ZNF57: variants seen among roughly 807,000 people sequenced by gnomAD.
ZNF57 encodes the protein zinc finger protein 57.
Under a neutral mutation model 13.4 loss-of-function variants are expected in ZNF57, and 11 were observed. That is an observed-to-expected ratio of 0.82 (90% confidence interval 0.52 to 1.36). The LOEUF (loss-of-function observed/expected upper bound fraction) is 1.36. Ranked by LOEUF, ZNF57 falls within the 40% of genes most tolerant of loss-of-function variation. ZNF57 has a pLI of 0.00. For missense variants in ZNF57, 696 were observed against 667.5 expected (o/e 1.04, Z -0.47); for synonymous variants, 224 against 238.5 (o/e 0.94, Z 0.56).
Position 2,910,327 on chromosome 19 carries a change from C to T in ZNF57, c.4-5195C>T, listed in dbSNP as rs2088119338. 4.2e-5 allele frequency among the ~76,000 whole-genome samples: 2 copies of T among 47,588 alleles called. 1 individual carries two copies. Among genetic ancestry groups the T allele is most frequent in the Admixed American group, 4.9e-4 (2 of 4,052 alleles). 31.2% of individuals were successfully genotyped at this position (47,588 alleles called of 152,430 possible). ...ACAGTCTAGGTTGAGGAGTGTTCCACGTGAGCTTGACAAGAATGTGTTTTC... is the reference window on the plus strand; with the variant it reads ...ACAGTCTAGGTTGAGGAGTGTTCCATGTGAGCTTGACAAGAATGTGTTTTC... On this transcript the variant is annotated intron_variant, in intron 1 of 3. Coordinates refer to ENST00000306908, the MANE Select transcript of ZNF57 (RefSeq NM_173480.3).
At chr19:2,903,634 C>G (rs2088047651) in intron 1 of ZNF57, among the ~76,000 whole-genome samples, 1 of 152,198 alleles carries the variant, frequency 6.6e-6, no homozygotes, top group Non-Finnish European at 1.5e-5. Flanking sequence ...AGGGTAACCA[C>G]TGTCCTGATT....
intron 1 of ZNF57, among the ~76,000 whole-genome samples, chr19:2,912,545 C>G (rs1437321497): frequency 6.6e-6 from 1 of 152,110 alleles, no homozygotes; most frequent in Admixed American, 6.5e-5. Context: ...CTGTATCCGC[C>G]TCTCTCTTCA....
In ZNF57 at chr19:2,916,100, C is replaced by A. The variant is rs1418150341; in HGVS notation, c.153C>A (p.Ala51=). Residue 51 remains alanine (A), a synonymous_variant, in exon 3 of 4, where the codon GCC becomes GCA. Coordinates refer to ENST00000306908, the MANE Select transcript of ZNF57 (RefSeq NM_173480.3). ...ASVDDGTQFK[A]NGSVSLQDMY... ...CAGATGATGGGACTCAATTTAAAGC[C>A]AATGGGTCAGTTTCTCTGCAGGATA... is the stretch of plus-strand genomic sequence containing the variant. The A allele has an allele frequency of 6.2e-7, 1 of 1,610,568 alleles. No individual in the cohort carries two copies. The highest frequency in any genetic ancestry group is 8.5e-7 in the Non-Finnish European group (1 of 1,179,054).
In ZNF57 at chr19:2,917,151, G is replaced by C. The variant is rs1394651951; in HGVS notation, c.530G>C (p.Cys177Ser). The change falls in exon 4 of 4, where the codon TGC becomes TCC. Residue 177 changes from cysteine to serine, a missense_variant. Around this residue, in one of 3 missense-constraint regions of ZNF57, gnomAD observed 645 missense variants for 591.5 expected, o/e 1.09. Transcript: ENST00000306908. The stretch of plus-strand genomic sequence containing the variant: ...CCAGGTGAGGAATGTAAGCAGGCCT[G>C]CATTTGTCCCTCACACCTACACAGT... The part of the protein sequence containing the change: ...APPGEECKQA[C>S]ICPSHLHSHG... 5.0e-6 allele frequency: 8 copies of C among 1,614,142 alleles called. No individual in the cohort carries two copies. Among genetic ancestry groups the C allele is most frequent in the Non-Finnish European group, 6.8e-6 (8 of 1,179,992 alleles).
chr19:2,903,368 C>T (rs1193347435), intron 1 of ZNF57, among the ~76,000 whole-genome samples: 3 of 152,104 alleles, frequency 2.0e-5, no homozygotes, highest in South Asian at 2.1e-4. Flanking sequence ...CTTGCCACCA[C>T]GACCGGCTAA....
At chr19:2,901,865 T>A (rs1455130670) in intron 1 of ZNF57, among the ~76,000 whole-genome samples, 1 of 152,118 alleles carries the variant, frequency 6.6e-6, no homozygotes, top group Non-Finnish European at 1.5e-5. Context: ...TAGGAGCAGT[T>A]TTTTTGAGGA....
chr19:2,905,034 G>T (rs2088060626), intron 1 of ZNF57, among the ~76,000 whole-genome samples: 2 of 152,144 alleles, frequency 1.3e-5, no homozygotes, highest in Non-Finnish European at 2.9e-5. Context: ...CCTTGCCCAG[G>T]TGTTAAACTG....
chr19:2,912,320 GA>G (rs1378272164), intron 1 of ZNF57: 2 of 152,304 alleles, frequency 1.3e-5, no homozygotes, highest in Non-Finnish European at 2.9e-5. Context: ...AGTTTTAAGG[GA>G]AAGGCCCGGT....
At chr19:2,915,019 A>G (rs538566701) in intron 1 of ZNF57, 46 of 155,012 alleles carry the variant, frequency 3.0e-4, no homozygotes, top group Non-Finnish European at 6.0e-4. Flanking sequence ...AACGGATACA[A>G]TGTTGCCTAG....
rs187461635 is a variant in ZNF57, at chr19:2,917,024, G to C, written c.403G>C (p.Ala135Pro). Residue 135 changes from alanine (A) to proline (P), a missense_variant, in exon 4 of 4, where the codon GCT (alanine) becomes CCT (proline). Ala to Pro is a conservative substitution (Grantham distance 27). Coordinates refer to ENST00000306908, the MANE Select transcript of ZNF57 (RefSeq NM_173480.3). ...TCTTACCCTGCACAAGAAAGTTTCT[G>C]CTGGAGAAAAACCATATGAATGCAC... ...PDLTLHKKVS[A>P]GEKPYECTKC... 60 of 1,614,142 alleles carry C rather than the reference G, an allele frequency of 3.7e-5. No homozygotes were observed. The East Asian group carries it at 1.3e-3, about 34-fold the overall frequency.
At chr19:2,902,552 ATAG>A (rs1187034460) in intron 1 of ZNF57, among the ~76,000 whole-genome samples, 3 of 152,168 alleles carry the variant, frequency 2.0e-5, no homozygotes, top group Non-Finnish European at 4.4e-5. Flanking sequence ...GTTCATAAAA[ATAG>A]TAGTTTTTCA....
rs763045066 is a variant in ZNF57 at position 2,918,292 on chromosome 19, A to G, written c.*3A>G. On this transcript the variant is annotated 3_prime_UTR_variant, in exon 4 of 4. Coordinates refer to ENST00000306908, the MANE Select transcript of ZNF57 (RefSeq NM_173480.3). ...AAACCAGTGAGAGCACACACTAAAG[A>G]GAAATTCTATAACTTTAATGGGGTA... 2 of 1,582,016 alleles carry G rather than the reference A, an allele frequency of 1.3e-6. No individual in the cohort carries two copies. The highest frequency in any genetic ancestry group is 2.3e-5 in the South Asian group (2 of 85,868).
At chr19:2,909,117 C>T (rs2088106131) in intron 1 of ZNF57, among the ~76,000 whole-genome samples, 1 of 151,870 alleles carries the variant, frequency 6.6e-6, no homozygotes, top group Non-Finnish European at 1.5e-5. Context: ...TGAGTTGTTT[C>T]CACCTTTTGG....
Position 2,917,626 on chromosome 19 carries a change from C to G in ZNF57, c.1005C>G (p.Leu335=), listed in dbSNP as rs776054886. The G allele has an allele frequency of 9.3e-6, 15 of 1,613,724 alleles. No individual in the cohort carries two copies. The highest frequency in any genetic ancestry group is 3.3e-5 in the South Asian group (3 of 91,056). The change falls in exon 4 of 4, where the codon CTC becomes CTG. Residue 335 remains leucine, a synonymous_variant. Transcript: ENST00000306908. ...TGAGGATCCACACTGGGGACAAACT[C>G]TATAAATGTGAACACTGTGGGAAGG... ...VHMRIHTGDK[L]YKCEHCGKAF...
Position 2,915,620 on chromosome 19 carries a change from G to A in ZNF57, c.102G>A (p.Leu34=). Residue 34 remains leucine, a synonymous_variant, in exon 2 of 4, where the codon CTG becomes CTA. Transcript: ENST00000306908. The part of the protein sequence containing the change: ...AQRDLYRDVM[L]ETFRNLASVD... ...GGGACCTCTACAGAGATGTGATGCT[G>A]GAGACCTTCCGGAACCTGGCCTCAG... 2 of 1,613,910 alleles carry A rather than the reference G, an allele frequency of 1.2e-6. No individual in the cohort carries two copies. Among genetic ancestry groups the A allele is most frequent in the Non-Finnish European group, 1.7e-6 (2 of 1,179,868 alleles).
At chr19:2,915,856 C>T in intron 2 of ZNF57, 1 of 986,610 alleles carries the variant, frequency 1.0e-6, no homozygotes, top group Middle Eastern at 2.3e-4. Context: ...CTTGAAGTTC[C>T]TTTAGTGTCA....
intron 1 of ZNF57, among the ~76,000 whole-genome samples, chr19:2,913,780 C>T (rs1462733061): frequency 6.6e-6 from 1 of 152,018 alleles, no homozygotes; most frequent in Non-Finnish European, 1.5e-5. Flanking sequence ...AGCTGGGAAT[C>T]CACGTGTGTG....
At chr19:2,909,130 A>G (rs1226835738) in intron 1 of ZNF57, among the ~76,000 whole-genome samples, 3 of 151,938 alleles carry the variant, frequency 2.0e-5, no homozygotes, top group Non-Finnish European at 4.4e-5. Context: ...CCTTTTGGCT[A>G]TTGTGAATAG....
intron 1 of ZNF57, among the ~76,000 whole-genome samples, chr19:2,903,318 T>C (rs2088044873): frequency 6.6e-6 from 1 of 152,042 alleles, no homozygotes; most frequent in African/African-American, 2.4e-5. Context: ...TTCAAGCAAT[T>C]CTCCTGCCTC....
Sources: gnomAD v4.1 joint callset for allele counts (sites outside exome capture counted in the v4.1 genomes callset) on GRCh38, gnomAD v4.1.1 for gene constraint, gnomAD v4.1.1 regional missense constraint, MANE v1.5 for transcripts, NCBI Gene and HGNC (gene_info 2026-07-23, HGNC 2026-07-21) for gene names.